CUX2: variants seen among roughly 807,000 people sequenced by gnomAD.
CUX2 encodes homeobox protein cut-like 2.
CUX2 carries 40 observed loss-of-function variants against 144.8 expected under a neutral mutation model. The ratio of observed to expected loss-of-function variants is 0.28; its 90% CI spans 0.21 to 0.36. The LOEUF (loss-of-function observed/expected upper bound fraction) is 0.36. CUX2 is among the 10% of genes least tolerant of loss of function. CUX2 has a pLI of 1.00. For missense variants in CUX2, 1,615 were observed against 1,994.0 expected (o/e 0.81, Z 3.62); for synonymous variants, 827 against 875.6 (o/e 0.94, Z 0.98).
chr12:111,140,119 C>T (rs1017570647), intron 1 of CUX2, among the ~76,000 whole-genome samples: 4 of 152,160 alleles, frequency 2.6e-5, no homozygotes, highest in African/African-American at 9.7e-5. Flanking sequence ...ACTCCCTGTC[C>T]CTCACTGTGT....
Position 111,347,453 on chromosome 12 carries a change from T to C in CUX2, c.3660-71T>C, listed in dbSNP as rs1888852441. 4.9e-6 allele frequency: 7 copies of C among 1,431,370 alleles called. No homozygotes were observed. In the South Asian group the frequency reaches 5.4e-5, roughly 11 times the overall value. 88.7% of individuals were successfully genotyped at this position (1,431,370 alleles called of 1,614,324 possible). A position where few individuals can be genotyped will look rare whatever the true frequency, so the allele number is the denominator to read the frequency against. On this transcript the variant is annotated intron_variant, in intron 21 of 21. Coordinates refer to ENST00000261726, the MANE Select transcript of CUX2 (RefSeq NM_015267.4). ...GGCAGTGGGTGGGACCAAAATGCCA[T>C]GTATGCAGATGGAGTCCAGGGTTTG...
At chr12:111,215,095 C>T (rs1237101229) in intron 2 of CUX2, among the ~76,000 whole-genome samples, 4 of 152,290 alleles carry the variant, frequency 2.6e-5, no homozygotes, top group East Asian at 1.9e-4. Flanking sequence ...GAGATCTCTG[C>T]GGCCAGATCT....
At position 111,059,653 on chromosome 12, in the gene CUX2, G is replaced by A. The variant is rs1870680241; in HGVS notation, c.63+25413G>A. Among the ~76,000 whole-genome samples the A allele has an allele frequency of 1.3e-5, 2 of 152,134 alleles. No homozygotes were observed. Among genetic ancestry groups the A allele is most frequent in the South Asian group, 4.1e-4 (2 of 4,824 alleles). ...GGTGGCAGGAGCCAGATCACCTTGA[G>A]GGCTATGGTGAGGAGGTGGGATTGT... On this transcript the variant is annotated intron_variant, in intron 1 of 21. Transcript: ENST00000261726. The surrounding 1 kb of genome is among the most constrained non-coding windows in gnomAD (Gnocchi z 5.3).
rs543970216 is a variant in CUX2, at chr12:111,138,381, G to A, written c.64-75819G>A. Reference sequence around the variant, plus strand: ...GTCATGTGGGGGTGGGGAGAGAGGAGGGGTAGGGGTGGAGGAGAGGGGAAA... The same window carrying A: ...GTCATGTGGGGGTGGGGAGAGAGGAAGGGTAGGGGTGGAGGAGAGGGGAAA... On this transcript the variant is annotated intron_variant, in intron 1 of 21. Coordinates refer to ENST00000261726, the MANE Select transcript of CUX2 (RefSeq NM_015267.4). Among the ~76,000 whole-genome samples, 4 of 152,288 alleles carry A rather than the reference G, an allele frequency of 2.6e-5. No homozygotes were observed. The East Asian group carries it at 7.7e-4, about 30-fold the overall frequency.
intron 1 of CUX2, among the ~76,000 whole-genome samples, chr12:111,110,798 C>T (rs1873894707): frequency 6.6e-6 from 1 of 152,198 alleles, no homozygotes; most frequent in Admixed American, 6.5e-5. Context: ...ATGAAATCTT[C>T]GTTGTGTTCA....
At chr12:111,155,607 CA>C (rs1877320813) in intron 1 of CUX2, among the ~76,000 whole-genome samples, 1 of 152,112 alleles carries the variant, frequency 6.6e-6, no homozygotes, top group Non-Finnish European at 1.5e-5. Context: ...CATATGTTCC[CA>C]GGGAAACCAC....
chr12:111,328,771 A>T (rs1168714755), intron 18 of CUX2, among the ~76,000 whole-genome samples: 1 of 151,604 alleles, frequency 6.6e-6, no homozygotes, highest in East Asian at 1.9e-4. Context: ...GTATTTTTAG[A>T]AGAGACAGGT....
intron 1 of CUX2, among the ~76,000 whole-genome samples, chr12:111,112,124 A>G (rs1874011516): frequency 2.6e-5 from 4 of 152,268 alleles, no homozygotes; most frequent in Non-Finnish European, 4.4e-5. Flanking sequence ...TCTGTGGCCA[A>G]TTGATCTCTC....
At chr12:111,342,561 C>T (rs971661204) in intron 21 of CUX2, among the ~76,000 whole-genome samples, 2 of 152,182 alleles carry the variant, frequency 1.3e-5, no homozygotes. Flanking sequence ...TCTTCACTTC[C>T]CTGAGCCTCA....
chr12:111,248,418 C>T (rs1281864248), intron 3 of CUX2, among the ~76,000 whole-genome samples: 4 of 152,166 alleles, frequency 2.6e-5, no homozygotes, highest in African/African-American at 9.7e-5. Context: ...TCAGAAGGGC[C>T]TCTTCTGTGT....
In CUX2 at chr12:111,273,169, G is replaced by C. The variant is rs114812511; in HGVS notation, c.301+9330G>C. 3.6e-3 allele frequency among the ~76,000 whole-genome samples: 543 copies of C among 152,286 alleles called. 3 individuals are homozygous for C. The highest frequency in any genetic ancestry group is 0.012 in the African/African-American group (505 of 41,548). ...AGCAGGCTTCAAGGAAGGATGGCTG[G>C]CAGAGGCCTCAGAGAGGGAGGCCTT... On this transcript the variant is annotated intron_variant, in intron 4 of 21. Transcript: ENST00000261726.
chr12:111,221,434 G>A (rs1008735032), intron 3 of CUX2, among the ~76,000 whole-genome samples: 1 of 152,056 alleles, frequency 6.6e-6, no homozygotes, highest in Non-Finnish European at 1.5e-5. Context: ...CATCCTTTAT[G>A]CCGCTGTCCT....
Position 111,287,342 on chromosome 12 carries a change from G to C in CUX2, c.302-4076G>C, listed in dbSNP as rs890769179. On this transcript the variant is annotated intron_variant, in intron 4 of 21. Coordinates refer to ENST00000261726, the MANE Select transcript of CUX2 (RefSeq NM_015267.4). This position sits in a 1 kb window ranked among gnomAD's most constrained non-coding sequence, Gnocchi z 4.2. The stretch of plus-strand genomic sequence containing the variant: ...CGGAGCAAGCCCTCCGTGGCCCTGC[G>C]CAGTCCGCGTGGCACCGCACCGTCT... Among the ~76,000 whole-genome samples, 3 of 152,158 alleles carry C rather than the reference G, an allele frequency of 2.0e-5. No homozygotes were observed. Among genetic ancestry groups the C allele is most frequent in the Non-Finnish European group, 2.9e-5 (2 of 68,042 alleles).
At chr12:111,126,044 TG>T (rs200064865) in intron 1 of CUX2, among the ~76,000 whole-genome samples, 13 of 130,820 alleles carry the variant, frequency 9.9e-5, no homozygotes, top group South Asian at 2.3e-4. Flanking sequence ...GGTGGTGGCG[TG>T]GGGGGGGCGG....
intron 1 of CUX2, among the ~76,000 whole-genome samples, chr12:111,136,378 G>A (rs574673780): frequency 1.1e-3 from 161 of 152,118 alleles, no homozygotes; most frequent in Non-Finnish European, 6.6e-4. Context: ...GAGAGAAGAG[G>A]GAGGATAAAG....
intron 10 of CUX2, among the ~76,000 whole-genome samples, chr12:111,306,618 A>G (rs1782204324): frequency 6.6e-6 from 1 of 152,156 alleles, no homozygotes; most frequent in Admixed American, 6.5e-5. Flanking sequence ...AAAGAAACTC[A>G]AACTTTTACC....
chr12:111,151,775 CCAGGCTCGCTCCGGCCATCA>C (rs932951485), intron 1 of CUX2, among the ~76,000 whole-genome samples: 81 of 152,246 alleles, frequency 5.3e-4, no homozygotes, highest in African/African-American at 1.9e-3. Flanking sequence ...TGAGGGCTGG[CCAGGCTCGCTCCGGCCATCA>C]CAGTCTGATG....
At position 111,077,357 on chromosome 12, in the gene CUX2, C is replaced by A. The variant is rs1871596720; in HGVS notation, c.63+43117C>A. 6.6e-6 allele frequency among the ~76,000 whole-genome samples: 1 copy of A among 152,156 alleles called. No individual in the cohort carries two copies. On this transcript the variant is annotated intron_variant, in intron 1 of 21. Transcript: ENST00000261726. This position sits in a 1 kb window ranked among gnomAD's most constrained non-coding sequence, Gnocchi z 4.1. ...GACATGACTCCCAGACCCCGAGTGT[C>A]TTGAACCCTAGCCTCTGGGGACTGG...
chr12:111,307,377 A>C lies in CUX2; in HGVS notation c.1109+120A>C, dbSNP rs993533743. On this transcript the variant is annotated intron_variant, in intron 12 of 21. Transcript: ENST00000261726. This position sits in a 1 kb window ranked among gnomAD's most constrained non-coding sequence, Gnocchi z 4.1. ...CCCATTTGTTCTTCTCTCCACTAAC[A>C]CTGTGGATATCAAACCTTAACCATC... The C allele has an allele frequency of 1.3e-5, 11 of 861,844 alleles. No individual in the cohort carries two copies. The highest frequency in any genetic ancestry group is 1.0e-4 in the East Asian group (4 of 38,690). 53.4% of individuals were successfully genotyped at this position (861,844 alleles called of 1,614,324 possible).
Sources: allele counts gnomAD v4.1 joint callset (sites outside exome capture counted in the v4.1 genomes callset), GRCh38; gene constraint gnomAD v4.1.1; non-coding constraint Gnocchi (gnomAD v3.1); transcripts MANE v1.5; gene names NCBI Gene and HGNC (gene_info 2026-07-23, HGNC 2026-07-21).